Variants in FMN2 observed in about 807,000 individuals in gnomAD.
The protein encoded by FMN2 is formin 2.
FMN2 carries 51 observed loss-of-function variants against 142.3 expected under a neutral mutation model. That is an observed-to-expected ratio of 0.36 (90% CI 0.29 to 0.45). FMN2 has a LOEUF of 0.45. FMN2 is among the 20% of genes least tolerant of loss of function. The pLI, the probability that FMN2 is intolerant of heterozygous loss-of-function variation, is 1.00. For missense variants in FMN2, 1,936 were observed against 2,122.8 expected (o/e 0.91, Z 1.73); for synonymous variants, 882 against 869.8 (o/e 1.01, Z -0.25).
intron 2 of FMN2, among the ~76,000 whole-genome samples, chr1:240,162,141 A>G (rs1664306371): frequency 6.6e-6 from 1 of 151,832 alleles, no homozygotes; most frequent in East Asian, 1.9e-4. Flanking sequence ...CAAAAAAAAA[A>G]AAACAAAAAA....
chr1:240,243,874 C>T (rs1232296798), intron 6 of FMN2, among the ~76,000 whole-genome samples: 1 of 152,178 alleles, frequency 6.6e-6, no homozygotes, highest in African/African-American at 2.4e-5. Context: ...TCTATTCTTA[C>T]ATCTCTTGTT....
rs58433196 is a variant in FMN2 at position 240,180,566 on chromosome 1, C to CTTTTTTTTT, written c.1930+2510_1930+2518dup. Among the ~76,000 whole-genome samples the CTTTTTTTTT allele has an allele frequency of 3.2e-5, 4 of 126,180 alleles. No homozygotes were observed. In the South Asian group the frequency reaches 7.8e-4, roughly 25 times the overall value. The allele number at this position is 126,180 out of a possible 152,430, so 82.8% of individuals were successfully genotyped here. A position where few individuals can be genotyped will look rare whatever the true frequency, so the allele number is the denominator to read the frequency against. ...ATCCACTGTATATAACACATGACCC[C>CTTTTTTTTT]TTTTTTTTTTTTTTTTTTTTAATGG... On this transcript the variant is annotated intron_variant, in intron 3 of 17. Coordinates refer to ENST00000319653, the MANE Select transcript of FMN2 (RefSeq NM_020066.5).
intron 1 of FMN2, among the ~76,000 whole-genome samples, chr1:240,122,881 T>C (rs1477480508): frequency 6.6e-6 from 1 of 152,150 alleles, no homozygotes; most frequent in Non-Finnish European, 1.5e-5. Flanking sequence ...AGCAAGACCC[T>C]ATCTGAATTA....
intron 14 of FMN2, among the ~76,000 whole-genome samples, chr1:240,384,940 A>G (rs1256430985): frequency 1.3e-5 from 2 of 152,208 alleles, no homozygotes; most frequent in African/African-American, 2.4e-5. Flanking sequence ...ATCTACATGT[A>G]TGATTATTTG....
At chr1:240,230,836 A>C (rs976641021) in intron 6 of FMN2, among the ~76,000 whole-genome samples, 2 of 131,896 alleles carry the variant, frequency 1.5e-5, no homozygotes, top group Non-Finnish European at 3.2e-5. Context: ...TAGTGCCAAC[A>C]AAAGAAACTA....
rs764109683 is a variant in FMN2 at position 240,207,006 on chromosome 1, G to A, written c.2194G>A (p.Glu732Lys). The change falls in exon 5 of 18, where the codon GAA (glutamate) becomes AAA (lysine). Residue 732 changes from glutamate to lysine, a missense_variant. This residue lies in a region of FMN2 where 478 missense variants were observed against 462.8 expected (regional missense o/e 1.03). Coordinates refer to ENST00000319653, the MANE Select transcript of FMN2 (RefSeq NM_020066.5). ...CLEALRLEEKEVRHHRILEAK... is the reference protein window; with the variant it reads ...CLEALRLEEKKVRHHRILEAK... ...CGAAGCTCTCAGGTTAGAAGAAAAG[G>A]AAGTACGGCATCATAGGATTTTAGA... 103 of 1,614,066 alleles carry A rather than the reference G, an allele frequency of 6.4e-5. 3 individuals carry two copies. The South Asian group carries it at 1.1e-3, about 17-fold the overall frequency.
In FMN2 at chr1:240,207,225, C is replaced by T. The variant is rs561512371; in HGVS notation, c.2413C>T (p.Gln805Ter). The T allele has an allele frequency of 6.2e-7, 1 of 1,614,022 alleles. No homozygotes were observed. The highest frequency in any genetic ancestry group is 1.7e-5 in the Admixed American group (1 of 60,012). The change falls in exon 5 of 18, where the codon CAG (glutamine) becomes TAG (stop). Residue 805 changes from glutamine (Q) to a stop codon, truncating the protein, a stop_gained. Transcript: ENST00000319653. LOFTEE classifies it high-confidence loss of function. Reference protein sequence around the residue: ...SVQLDSHQPTQSISQPPPPPS... With the variant: ...SVQLDSHQPT ...CCAGCTCGACAGCCATCAGCCCACA[C>T]AGAGCATCTCACAGCCTCCACCACC...
intron 2 of FMN2, among the ~76,000 whole-genome samples, chr1:240,147,766 C>A (rs889504208): frequency 6.6e-6 from 1 of 152,190 alleles, no homozygotes. Context: ...TAGCTACCTG[C>A]TGGCTAGGTC....
At chr1:240,129,318 C>T (rs940786476) in intron 2 of FMN2, among the ~76,000 whole-genome samples, 3 of 152,002 alleles carry the variant, frequency 2.0e-5, no homozygotes, top group African/African-American at 7.2e-5. Flanking sequence ...ATATTTTTTG[C>T]TGTATATTTA....
chr1:240,214,195 A>T (rs1433596079), intron 6 of FMN2, among the ~76,000 whole-genome samples: 1 of 152,204 alleles, frequency 6.6e-6, no homozygotes, highest in East Asian at 1.9e-4. Flanking sequence ...TGAGTGTGAC[A>T]CTTTGACATT....
chr1:240,110,599 G>A (rs902412271), intron 1 of FMN2, among the ~76,000 whole-genome samples: 4 of 152,124 alleles, frequency 2.6e-5, no homozygotes, highest in African/African-American at 7.2e-5. Flanking sequence ...CAAGGTAAGA[G>A]GAGTATTTAT....
At chr1:240,123,582 G>A (rs1662381227) in intron 2 of FMN2, among the ~76,000 whole-genome samples, 1 of 151,430 alleles carries the variant, frequency 6.6e-6, no homozygotes, top group Admixed American at 6.6e-5. Flanking sequence ...TTGACAGATG[G>A]TCACTCAAGA....
At chr1:240,211,753 A>G (rs1324323514) in intron 6 of FMN2, among the ~76,000 whole-genome samples, 1 of 152,232 alleles carries the variant, frequency 6.6e-6, no homozygotes, top group Non-Finnish European at 1.5e-5. Flanking sequence ...TCTCTATTTT[A>G]TGTTAGATCC....
At chr1:240,440,681 G>A (rs997715275) in intron 16 of FMN2, among the ~76,000 whole-genome samples, 6 of 152,140 alleles carry the variant, frequency 3.9e-5, no homozygotes, top group African/African-American at 1.2e-4. Context: ...GGAAGAACAC[G>A]TGGCAGATGA....
intron 6 of FMN2, among the ~76,000 whole-genome samples, chr1:240,221,980 T>G (rs1428177466): frequency 6.6e-6 from 1 of 150,550 alleles, no homozygotes. Context: ...CCCAAGTAGC[T>G]GGGATTATAG....
intron 7 of FMN2, among the ~76,000 whole-genome samples, chr1:240,262,563 G>T (rs1668665907): frequency 6.6e-6 from 1 of 152,054 alleles, no homozygotes; most frequent in African/African-American, 2.4e-5. Flanking sequence ...TCAGGGGTCA[G>T]TGTGCTCTTC....
intron 8 of FMN2, among the ~76,000 whole-genome samples, chr1:240,326,666 A>G (rs559979758): frequency 2.6e-4 from 39 of 152,170 alleles, no homozygotes; most frequent in Non-Finnish European, 4.1e-4. Flanking sequence ...TCTAAACAAA[A>G]TCAAACTAAG....
intron 3 of FMN2, among the ~76,000 whole-genome samples, chr1:240,184,110 T>C (rs2103335808): frequency 6.6e-6 from 1 of 152,178 alleles, no homozygotes; most frequent in Non-Finnish European, 1.5e-5. Context: ...TTTTGTTTCG[T>C]GAGTGAAAGG....
chr1:240,356,793 T>G (rs9725872), intron 14 of FMN2, among the ~76,000 whole-genome samples: 3,318 of 152,312 alleles, frequency 0.022, 97 homozygotes, highest in African/African-American at 0.058. Flanking sequence ...TCAAGTGTCA[T>G]TAATGATGAT....
Sources: allele counts gnomAD v4.1 joint callset (sites outside exome capture counted in the v4.1 genomes callset), GRCh38; gene constraint gnomAD v4.1.1; regional missense constraint gnomAD v4.1.1; transcripts MANE v1.5; gene names NCBI Gene and HGNC (gene_info 2026-07-23, HGNC 2026-07-21).